The following DOCK1 variants were observed in gnomAD, a reference collection of about 807,000 sequenced individuals.
DOCK1 encodes dedicator of cytokinesis protein 1.
A neutral mutation model predicts 262.7 loss-of-function variants in DOCK1; 138 were observed. The observed-to-expected ratio is 0.53, with a 90% confidence interval of 0.46 to 0.61. The LOEUF (loss-of-function observed/expected upper bound fraction) is 0.61, where lower values mean the gene tolerates loss of function less well. DOCK1 is among the 20% of genes least tolerant of loss of function. DOCK1 has a pLI of 0.00. For missense variants in DOCK1, 1,908 were observed against 2,370.7 expected (o/e 0.80, Z 4.05); for synonymous variants, 866 against 867.4 (o/e 1.00, Z 0.03).
chr10:127,378,797 T>TG (rs2065667569), intron 35 of DOCK1, among the ~76,000 whole-genome samples: 1 of 152,240 alleles, frequency 6.6e-6, no homozygotes. Flanking sequence ...TTCTCTTTGT[T>TG]GCGACAGTGA....
Position 127,176,436 on chromosome 10 carries a change from A to C in DOCK1, c.2847+48672A>C, listed in dbSNP as rs766850142. On this transcript the variant is annotated intron_variant, in intron 27 of 51. Coordinates refer to ENST00000623213, the MANE Select transcript of DOCK1 (RefSeq NM_001290223.2). The surrounding 1 kb of genome is among the most constrained non-coding windows in gnomAD (Gnocchi z 4.4). ...AAACAGCAACAGAGGTGTCAGTGGG[A>C]CAGAAATACACACTCAAGCACCGGC... The C allele has an allele frequency of 6.6e-7, 1 of 1,519,130 alleles. No individual in the cohort carries two copies. The allele number at this position is 1,519,130 out of a possible 1,614,324, so 94.1% of individuals were successfully genotyped here. A position where few individuals can be genotyped will look rare whatever the true frequency, so the allele number is the denominator to read the frequency against.
At chr10:127,257,056 A>G (rs560315215) in intron 28 of DOCK1, among the ~76,000 whole-genome samples, 12 of 152,356 alleles carry the variant, frequency 7.9e-5, no homozygotes, top group African/African-American at 2.9e-4. Flanking sequence ...TTGAATGCCT[A>G]TTCCTAACCT....
intron 4 of DOCK1, among the ~76,000 whole-genome samples, chr10:126,984,079 G>A (rs562293592): frequency 9.2e-5 from 14 of 152,146 alleles, no homozygotes; most frequent in Admixed American, 6.5e-4. Flanking sequence ...TCCTGTGTCC[G>A]CTACTCTGAG....
chr10:127,426,377 G>C (rs868347772), intron 47 of DOCK1, among the ~76,000 whole-genome samples: 17 of 152,184 alleles, frequency 1.1e-4, no homozygotes, highest in South Asian at 2.1e-4. Context: ...TACACACAGA[G>C]GGTTCGGTCA....
chr10:127,115,669 C>T (rs1459987978), intron 25 of DOCK1, among the ~76,000 whole-genome samples: 1 of 152,174 alleles, frequency 6.6e-6, no homozygotes, highest in Admixed American at 6.5e-5. Context: ...AATTGTGTAA[C>T]ATTAATGTTA....
At chr10:127,187,643 G>C (rs1045474125) in intron 27 of DOCK1, among the ~76,000 whole-genome samples, 1 of 151,916 alleles carries the variant, frequency 6.6e-6, no homozygotes, top group African/African-American at 2.4e-5. Context: ...TTTCCTTAAG[G>C]GCTCTATTCC....
intron 27 of DOCK1, among the ~76,000 whole-genome samples, chr10:127,237,159 G>A (rs1227784849): frequency 6.6e-6 from 1 of 152,090 alleles, no homozygotes; most frequent in Non-Finnish European, 1.5e-5. Flanking sequence ...TGGAGTTTGA[G>A]ACCAGCCTGG....
chr10:127,204,060 T>A (rs547048537), intron 27 of DOCK1, among the ~76,000 whole-genome samples: 6 of 152,110 alleles, frequency 3.9e-5, no homozygotes, highest in Non-Finnish European at 8.8e-5. Flanking sequence ...TCCCTGTATC[T>A]CGGCAGTCAC....
At chr10:126,996,619 C>G in intron 6 of DOCK1, 129 bp from the exon 7 acceptor site, 6 of 819,018 alleles carry the variant, frequency 7.3e-6, no homozygotes, top group Non-Finnish European at 1.0e-5. Flanking sequence ...TTTTATATTC[C>G]TAATATTTTG....
chr10:127,243,773 A>G (rs970244869), intron 27 of DOCK1, among the ~76,000 whole-genome samples: 9 of 152,096 alleles, frequency 5.9e-5, no homozygotes, highest in African/African-American at 1.2e-4. Flanking sequence ...ATGGAACTAG[A>G]TCAGGGGCAG....
At chr10:127,294,357 T>C (rs2061437094) in intron 29 of DOCK1, among the ~76,000 whole-genome samples, 1 of 152,222 alleles carries the variant, frequency 6.6e-6, no homozygotes, top group Non-Finnish European at 1.5e-5. Context: ...TTCTCACTCT[T>C]GTTGCCCAGC....
At chr10:127,288,831 A>G (rs2061254282) in intron 29 of DOCK1, among the ~76,000 whole-genome samples, 1 of 151,794 alleles carries the variant, frequency 6.6e-6, no homozygotes, top group African/African-American at 2.4e-5. Context: ...GAATAACAAT[A>G]CCAATTGTTA....
At chr10:126,987,745 C>A in intron 5 of DOCK1, 128 bp downstream of exon 5, 1 of 910,048 alleles carries the variant, frequency 1.1e-6, no homozygotes, top group Non-Finnish European at 1.6e-6. Context: ...CAGAGTTTTA[C>A]TCGGAATTGG....
intron 44 of DOCK1, among the ~76,000 whole-genome samples, chr10:127,416,267 G>C (rs1250284910): frequency 6.6e-6 from 1 of 152,242 alleles, no homozygotes; most frequent in Non-Finnish European, 1.5e-5. Context: ...GTGCCTGACA[G>C]ATAGAAGGCT....
At chr10:127,418,290 C>T (rs1023104063) in intron 44 of DOCK1, 75 bp from the exon 45 acceptor site, 27 of 1,424,276 alleles carry the variant, frequency 1.9e-5, no homozygotes, top group Non-Finnish European at 2.2e-5. Flanking sequence ...CCCCAGAGCA[C>T]GTGGCTCCTC....
chr10:126,999,569 C>T, intron 9 of DOCK1, 134 bp downstream of exon 9: 1 of 655,774 alleles, frequency 1.5e-6, no homozygotes, highest in African/African-American at 1.8e-5. Context: ...TTTAGTATTA[C>T]TAAGTAGAGC....
chr10:127,138,423 G>A (rs917610798), intron 27 of DOCK1, among the ~76,000 whole-genome samples: 1 of 152,092 alleles, frequency 6.6e-6, no homozygotes, highest in African/African-American at 2.4e-5. Context: ...CCAAGTGCAC[G>A]CAAGGTCCGT....
intron 26 of DOCK1, among the ~76,000 whole-genome samples, chr10:127,125,970 T>C (rs2049927657): frequency 6.6e-6 from 1 of 152,076 alleles, no homozygotes; most frequent in Non-Finnish European, 1.5e-5. Flanking sequence ...TAAAAATAAA[T>C]AAATAAATAA....
chr10:126,982,191 G>C (rs976089961), intron 4 of DOCK1, among the ~76,000 whole-genome samples: 1 of 152,120 alleles, frequency 6.6e-6, no homozygotes, highest in African/African-American at 2.4e-5. Context: ...ACCATACTTG[G>C]CAGTTACTGT....
Sources: allele counts gnomAD v4.1 joint callset (sites outside exome capture counted in the v4.1 genomes callset), GRCh38; gene constraint gnomAD v4.1.1; non-coding constraint Gnocchi (gnomAD v3.1); transcripts MANE v1.5; gene names NCBI Gene and HGNC (gene_info 2026-07-23, HGNC 2026-07-21).